RIN2: variants seen among roughly 807,000 people sequenced by gnomAD.
RIN2 encodes RAB5 interacting protein 2.
A neutral mutation model predicts 78.0 loss-of-function variants in RIN2; 36 were observed. That is an observed-to-expected ratio of 0.46 (90% confidence interval 0.35 to 0.61). RIN2 has a LOEUF of 0.61. Among genes scored for constraint, RIN2 ranks in the 20% least tolerant of loss-of-function variants. The pLI is 0.00. For missense variants in RIN2, 1,087 were observed against 1,159.7 expected, an observed-to-expected ratio of 0.94 and a Z score of 0.91; for synonymous variants, 466 against 466.8, an observed-to-expected ratio of 1.00 and a Z score of 0.02.
At chr20:19,934,787 G>C (rs2040567883) in intron 3 of RIN2, among the ~76,000 whole-genome samples, 1 of 152,016 alleles carries the variant, frequency 6.6e-6, no homozygotes, top group South Asian at 2.1e-4. Context: ...TTCATGTTGA[G>C]AAAGCTAACT....
chr20:19,861,338 T>C (rs1190775882), intron 2 of RIN2, among the ~76,000 whole-genome samples: 2 of 152,226 alleles, frequency 1.3e-5, no homozygotes, highest in Non-Finnish European at 2.9e-5. Context: ...TGCTATGATA[T>C]GTTCCACCAC....
chr20:19,779,445 A>AT (rs2034422868), intron 1 of RIN2, among the ~76,000 whole-genome samples: 1 of 152,222 alleles, frequency 6.6e-6, no homozygotes, highest in African/African-American at 2.4e-5. Context: ...CTTACAGCAC[A>AT]GTCCTCAGGG....
intron 2 of RIN2, among the ~76,000 whole-genome samples, chr20:19,811,673 C>A (rs1056540680): frequency 6.6e-6 from 1 of 152,106 alleles, no homozygotes; most frequent in African/African-American, 2.4e-5. Context: ...GAAATGAGAT[C>A]TTTTCGTTCA....
Position 19,837,114 on chromosome 20 carries a change from G to A in RIN2, c.-37+37367G>A, listed in dbSNP as rs75743770. Among the ~76,000 whole-genome samples the A allele has an allele frequency of 2.7e-3, 404 of 150,970 alleles. 3 individuals are homozygous for A. The highest frequency in any genetic ancestry group is 9.1e-3 in the African/African-American group (375 of 41,016). On this transcript the variant is annotated intron_variant, in intron 2 of 12. Transcript: ENST00000255006. ...GATCCCCATTTTGCAGATATGTGTG[G>A]AAACTAAGCCTCAGAGAGATTAAGT... is the stretch of plus-strand genomic sequence containing the variant.
intron 2 of RIN2, among the ~76,000 whole-genome samples, chr20:19,832,011 C>A (rs1250120414): frequency 1.3e-5 from 2 of 151,984 alleles, no homozygotes; most frequent in Non-Finnish European, 2.9e-5. Context: ...CAGTGTTCGC[C>A]ATGTACCTGG....
intron 11 of RIN2, among the ~76,000 whole-genome samples, chr20:19,995,967 C>T (rs2042949167): frequency 6.6e-6 from 1 of 152,148 alleles, no homozygotes; most frequent in Non-Finnish European, 1.5e-5. Flanking sequence ...CCCCCACCTC[C>T]CCGTCAGGCC....
At chr20:19,762,832 C>T (rs1568729380) in intron 1 of RIN2, among the ~76,000 whole-genome samples, 3 of 151,990 alleles carry the variant, frequency 2.0e-5, no homozygotes, top group South Asian at 4.2e-4. Flanking sequence ...GGTGCGATCT[C>T]GGCTCACTAC....
At position 19,762,878 on chromosome 20, in the gene RIN2, C is replaced by T. The variant is rs185285964; in HGVS notation, c.-163+4551C>T. ...TCCCGGAGTCAAGCGATTCTCCTGC[C>T]TCAGCCTCCTGAATAGCTGGGATTA... is the stretch of plus-strand genomic sequence containing the variant. On this transcript the variant is annotated intron_variant, in intron 1 of 12. Coordinates refer to ENST00000255006, the MANE Select transcript of RIN2 (RefSeq NM_018993.4). Among the ~76,000 whole-genome samples, 7 of 152,226 alleles carry T rather than the reference C, an allele frequency of 4.6e-5. No homozygotes were observed. The East Asian group carries it at 1.4e-3, about 30-fold the overall frequency.
At chr20:19,885,695 A>C (rs2038160764) in intron 2 of RIN2, among the ~76,000 whole-genome samples, 1 of 151,970 alleles carries the variant, frequency 6.6e-6, no homozygotes, top group Non-Finnish European at 1.5e-5. Context: ...ACAAACAAAA[A>C]AAAAAACGAA....
chr20:19,928,730 C>T (rs1269773128), intron 3 of RIN2, among the ~76,000 whole-genome samples: 3 of 152,084 alleles, frequency 2.0e-5, no homozygotes, highest in East Asian at 3.9e-4. Context: ...GTGTTATGCA[C>T]GAATGCAGGA....
Position 19,917,493 on chromosome 20 carries a change from G to A in RIN2, c.58-17606G>A, listed in dbSNP as rs149006870. 2.3e-3 allele frequency among the ~76,000 whole-genome samples: 355 copies of A among 152,276 alleles called. 2 individuals are homozygous for A. Among genetic ancestry groups the A allele is most frequent in the African/African-American group, 7.4e-3 (308 of 41,556 alleles). On this transcript the variant is annotated intron_variant, in intron 3 of 12. Coordinates refer to ENST00000255006, the MANE Select transcript of RIN2 (RefSeq NM_018993.4). ...TGTGAAATTTAAAAAGTGTAAAGAA[G>A]AAAAGAGACCTAAATTGTACCACCT...
chr20:19,886,665 TG>T, intron 2 of RIN2: 1 of 1,305,752 alleles, frequency 7.7e-7, no homozygotes. Flanking sequence ...AAACATCTAC[TG>T]GACATGTTGG....
intron 3 of RIN2, among the ~76,000 whole-genome samples, chr20:19,899,130 C>G (rs964293134): frequency 1.3e-5 from 2 of 152,146 alleles, no homozygotes; most frequent in African/African-American, 4.8e-5. Context: ...TTTCCTTGTT[C>G]CCAAATATCC....
intron 2 of RIN2, among the ~76,000 whole-genome samples, chr20:19,831,185 C>G (rs758247683): frequency 6.6e-6 from 1 of 152,168 alleles, no homozygotes; most frequent in African/African-American, 2.4e-5. Flanking sequence ...TGTGAAGCTG[C>G]CAACTGCTCT....
At chr20:19,818,467 A>G (rs73122260) in intron 2 of RIN2, among the ~76,000 whole-genome samples, 3,511 of 152,318 alleles carry the variant, frequency 0.023, 86 homozygotes, top group Non-Finnish European at 0.026. Context: ...AATTTAAGAA[A>G]ATAGATGGGC....
chr20:19,963,438 C>T (rs1339566049), intron 6 of RIN2, among the ~76,000 whole-genome samples: 3 of 151,890 alleles, frequency 2.0e-5, no homozygotes, highest in Admixed American at 6.6e-5. Context: ...GGAGAAACCC[C>T]GTCTCTACTA....
intron 3 of RIN2, among the ~76,000 whole-genome samples, chr20:19,928,569 G>A (rs975421906): frequency 6.6e-6 from 1 of 152,310 alleles, no homozygotes; most frequent in Admixed American, 6.5e-5. Flanking sequence ...CTGGAACTCA[G>A]CAGGCCCAGC....
chr20:19,957,447 C>T (rs773041468), intron 5 of RIN2, among the ~76,000 whole-genome samples: 8 of 152,282 alleles, frequency 5.3e-5, no homozygotes, highest in Middle Eastern at 6.8e-3. Flanking sequence ...GAGGCCAAGA[C>T]GGACAGATCA....
intron 2 of RIN2, among the ~76,000 whole-genome samples, chr20:19,880,659 C>T (rs1208250278): frequency 6.6e-6 from 1 of 152,068 alleles, no homozygotes; most frequent in African/African-American, 2.4e-5. Context: ...TGAGCTGCTG[C>T]ACCTAGCCGA....
Sources: allele counts gnomAD v4.1 joint callset (sites outside exome capture counted in the v4.1 genomes callset), GRCh38; gene constraint gnomAD v4.1.1; transcripts MANE v1.5; gene names NCBI Gene and HGNC (gene_info 2026-07-23, HGNC 2026-07-21).